Variants in APC2 observed in about 807,000 individuals in gnomAD.
APC2 encodes the protein APC regulator of Wnt signaling pathway 2.
A neutral mutation model predicts 72.5 loss-of-function variants in APC2; 41 were observed. The observed-to-expected ratio is 0.57, with a 90% CI of 0.44 to 0.73. The LOEUF (loss-of-function observed/expected upper bound fraction) is 0.73, where lower values mean the gene tolerates loss of function less well. APC2 is among the 30% of genes least tolerant of loss of function. The pLI, the probability that APC2 is intolerant of heterozygous loss-of-function variation, is 0.00. For missense variants in APC2, 3,729 were observed against 3,403.4 expected (o/e 1.10, Z -2.38); for synonymous variants, 1,898 against 1,612.0 (o/e 1.18, Z -4.25).
chr19:1,469,386 G>A lies in APC2; in HGVS notation c.6085G>A (p.Gly2029Ser). ...CCCCCAGGGCGCCTCGCCCCGCCGCGGCCGGCCCGCGCTGCCCGCCGTCTT... is the reference window on the plus strand; with the variant it reads ...CCCCCAGGGCGCCTCGCCCCGCCGCAGCCGGCCCGCGCTGCCCGCCGTCTT... Reference protein sequence around the residue: ...SAPQGASPRRGRPALPAVFLC... With the variant: ...SAPQGASPRRSRPALPAVFLC... Residue 2029 changes from glycine (G) to serine (S), a missense_variant, in exon 15 of 15, where the codon GGC (glycine) becomes AGC (serine). Transcript: ENST00000590469. 8.2e-7 allele frequency: 1 copy of A among 1,224,222 alleles called. No individual in the cohort carries two copies. The highest frequency in any genetic ancestry group is 1.0e-6 in the Non-Finnish European group (1 of 982,238). 75.8% of individuals were successfully genotyped at this position (1,224,222 alleles called of 1,614,324 possible).
chr19:1,455,615 T>G, intron 6 of APC2, 115 bp downstream of exon 6: 1 of 1,020,132 alleles, frequency 9.8e-7, no homozygotes, highest in African/African-American at 1.6e-5. Flanking sequence ...TTATGCCTCC[T>G]GGGTTGGGGG....
intron 14 of APC2, among the ~76,000 whole-genome samples, chr19:1,462,569 C>T (rs1287173594): frequency 1.4e-5 from 2 of 143,188 alleles, no homozygotes; most frequent in African/African-American, 5.4e-5. Context: ...GCAGAAGAAT[C>T]GTTTGAACCC....
At position 1,471,577 on chromosome 19, in the gene APC2, G is replaced by A. The variant is rs1047222621; in HGVS notation, c.*1364G>A. On this transcript the variant is annotated 3_prime_UTR_variant, in exon 15 of 15. Transcript: ENST00000590469. ...TGGGGCAACGCCTCGTCCTGCAGAG[G>A]GAGCCGACGACCTCTTTTCTGCAGA... is the stretch of plus-strand genomic sequence containing the variant. 3 of 152,234 alleles carry A rather than the reference G, an allele frequency of 2.0e-5. No homozygotes were observed. Among genetic ancestry groups the A allele is most frequent in the Admixed American group, 6.5e-5 (1 of 15,282 alleles). The allele number at this position is 152,234 out of a possible 1,614,324, so 9.4% of individuals were successfully genotyped here. A position where few individuals can be genotyped will look rare whatever the true frequency, so the allele number is the denominator to read the frequency against.
In APC2 at chr19:1,470,028, C is replaced by A. The variant is rs760146554; in HGVS notation, c.6727C>A (p.Pro2243Thr). The A allele has an allele frequency of 3.8e-6, 6 of 1,561,290 alleles. No individual in the cohort carries two copies. In the Admixed American group the frequency reaches 7.2e-5, roughly 19 times the overall value. ...PSLAKAPISA[P>T]FVHEGLGVAV... ...CCTCGCCAAGGCTCCCATCTCCGCA[C>A]CCTTCGTGCACGAGGGCCTGGGGGT... Residue 2243 changes from proline (P) to threonine (T), a missense_variant, in exon 15 of 15, where the codon CCC becomes ACC. Physicochemically the swap from Pro to Thr is conservative, Grantham distance 38. Transcript: ENST00000590469.
At chr19:1,454,159 A>G (rs2083782817) in intron 4 of APC2, among the ~76,000 whole-genome samples, 1 of 152,104 alleles carries the variant, frequency 6.6e-6, no homozygotes, top group Non-Finnish European at 1.5e-5. Flanking sequence ...AAACCCTCCC[A>G]GCCTAAGACT....
In APC2 at chr19:1,469,572, GC is replaced by G; in HGVS notation, c.6274del (p.Arg2092GlyfsTer243). 8.0e-7 allele frequency: 1 copy of G among 1,245,410 alleles called. No individual in the cohort carries two copies. Among genetic ancestry groups the G allele is most frequent in the Non-Finnish European group, 1.0e-6 (1 of 980,708 alleles). 77.1% of individuals were successfully genotyped at this position (1,245,410 alleles called of 1,614,324 possible). A position where few individuals can be genotyped will look rare whatever the true frequency, so the allele number is the denominator to read the frequency against. ...PSRLPVRAPAARPETVKRYAS... is the reference protein window; with the variant it reads ...PSRLPVRAPAXRPETVKRYAS... ...CCGCCTGCCTGTGCGCGCGCCCGCC[GC>G]CCGGCCGGAGACTGTCAAGCGCTAC... On this transcript the variant is annotated frameshift_variant, in exon 15 of 15. Coordinates refer to ENST00000590469, the MANE Select transcript of APC2 (RefSeq NM_005883.3). LOFTEE classifies it low-confidence loss of function (END_TRUNC).
chr19:1,450,078 G>T (rs2083724724), upstream of APC2: 1 of 947,464 alleles, frequency 1.1e-6, no homozygotes, highest in Non-Finnish European at 1.3e-6. Context: ...CGCCCTCATT[G>T]GCTGTCTCAC....
intron 1 of APC2, 82 bp downstream of exon 1, chr19:1,450,420 G>A (rs1430533512): frequency 9.6e-6 from 9 of 936,854 alleles, no homozygotes; most frequent in Non-Finnish European, 1.0e-5. Context: ...AGCATTGCCC[G>A]TCAGCACAGA....
In APC2 at chr19:1,455,159, C is replaced by A; in HGVS notation, c.424C>A (p.Leu142Met). 6.3e-7 allele frequency: 1 copy of A among 1,576,000 alleles called. No individual in the cohort carries two copies. The highest frequency in any genetic ancestry group is 8.6e-7 in the Non-Finnish European group (1 of 1,169,488). The change falls in exon 5 of 15, where the codon CTG becomes ATG. Residue 142 changes from leucine to methionine, a missense_variant. Transcript: ENST00000590469. ...TGACTTGCTCCCCAGGTGTTTCCTG[C>A]TGAATGAGATTGAGAAGGAGGAGAA... Reference protein sequence around the residue: ...EELDRERCFLLNEIEKEEKEK... With the variant: ...EELDRERCFLMNEIEKEEKEK...
At position 1,467,868 on chromosome 19, in the gene APC2, C is replaced by A. The variant is rs2084049295; in HGVS notation, c.4567C>A (p.Pro1523Thr). ...GGACGAGGAGCCCCCGGCGGCCGCG[C>A]CCACGCCAACCCACCGGCGCACATC... is the stretch of plus-strand genomic sequence containing the variant. The part of the protein sequence containing the change: ...DSDEEPPAAA[P>T]TPTHRRTSAI... Residue 1523 changes from proline to threonine, a missense_variant, in exon 15 of 15, where the codon CCC becomes ACC. By Grantham distance (38) the Pro-to-Thr change is conservative (BLOSUM62 -1). Coordinates refer to ENST00000590469, the MANE Select transcript of APC2 (RefSeq NM_005883.3). 2 of 1,563,130 alleles carry A rather than the reference C, an allele frequency of 1.3e-6. No homozygotes were observed. Among genetic ancestry groups the A allele is most frequent in the African/African-American group, 2.8e-5 (2 of 71,902 alleles).
rs1303699254 is a variant in APC2 at position 1,456,948 on chromosome 19, C to T, written c.912C>T (p.Ser304=). 3 of 1,551,922 alleles carry T rather than the reference C, an allele frequency of 1.9e-6. No individual in the cohort carries two copies. The highest frequency in any genetic ancestry group is 1.4e-5 in the African/African-American group (1 of 73,372). Residue 304 remains serine (S), a synonymous_variant, in exon 9 of 15, where the codon AGC becomes AGT. Transcript: ENST00000590469. ...TGGCCATGTCCAGCTCGCCCGAGAG[C>T]TGCGTGGCCATGCGCCGCTCGGGCT... The part of the protein sequence containing the change: ...TLLAMSSSPE[S]CVAMRRSGCL...
chr19:1,453,921 A>T (rs181950439), intron 4 of APC2, among the ~76,000 whole-genome samples: 11 of 152,212 alleles, frequency 7.2e-5, no homozygotes, highest in African/African-American at 2.4e-4. Flanking sequence ...GTCGCCAGGG[A>T]CCGGGCTGTG....
chr19:1,465,098 T>C (rs2083984934), intron 14 of APC2, 57 bp from the exon 15 acceptor site: 5 of 1,544,472 alleles, frequency 3.2e-6, no homozygotes, highest in Non-Finnish European at 4.4e-6. Context: ...CCCCCCATCC[T>C]TCGGTGGGCA....
chr19:1,462,626 G>T (rs1380643546), intron 14 of APC2, among the ~76,000 whole-genome samples: 3 of 130,088 alleles, frequency 2.3e-5, no homozygotes, highest in Non-Finnish European at 3.1e-5. Flanking sequence ...CTGCACTCCA[G>T]TCTGGGCAAC....
rs2084165493 is a variant in APC2, at chr19:1,473,198, A to G, written c.*2985A>G. The stretch of plus-strand genomic sequence containing the variant: ...TGTCCGGCGTAAGGACGACACCGTC[A>G]GCTGTCCGACTCGCACACATTTAAT... On this transcript the variant is annotated 3_prime_UTR_variant, in exon 15 of 15. Coordinates refer to ENST00000590469, the MANE Select transcript of APC2 (RefSeq NM_005883.3). 1 of 152,308 alleles carries G rather than the reference A, an allele frequency of 6.6e-6. No homozygotes were observed. The highest frequency in any genetic ancestry group is 1.5e-5 in the Non-Finnish European group (1 of 68,072). The allele number at this position is 152,308 out of a possible 1,614,324, so 9.4% of individuals were successfully genotyped here.
chr19:1,451,070 G>A (rs1392747447), intron 1 of APC2, among the ~76,000 whole-genome samples: 6 of 152,198 alleles, frequency 3.9e-5, no homozygotes, highest in African/African-American at 1.4e-4. Flanking sequence ...AGCTCCCTCT[G>A]GCTGTGCATG....
intron 10 of APC2, among the ~76,000 whole-genome samples, chr19:1,459,664 C>T (rs904726912): frequency 2.0e-5 from 3 of 152,194 alleles, no homozygotes; most frequent in Non-Finnish European, 4.4e-5. Context: ...ACAAGTCCTC[C>T]TCTCCCTCTG....
chr19:1,453,187 G>GC (rs765282564), intron 2 of APC2, 45 bp downstream of exon 2: 9 of 1,571,142 alleles, frequency 5.7e-6, no homozygotes, highest in African/African-American at 1.4e-5. Context: ...CCGGGGTGGT[G>GC]CCCCCCGGCA....
chr19:1,455,141 C>T lies in APC2; in HGVS notation c.414-8C>T. On this transcript the variant is annotated splice_region_variant and splice_polypyrimidine_tract_variant and intron_variant, in intron 4 of 14. Coordinates refer to ENST00000590469, the MANE Select transcript of APC2 (RefSeq NM_005883.3). Reference sequence around the variant, plus strand: ...CTCTGAGCCCGCCCCCGCTGACTTGCTCCCCAGGTGTTTCCTGCTGAATGA... The same window carrying T: ...CTCTGAGCCCGCCCCCGCTGACTTGTTCCCCAGGTGTTTCCTGCTGAATGA... 6.4e-7 allele frequency: 1 copy of T among 1,560,420 alleles called. No individual in the cohort carries two copies. The highest frequency in any genetic ancestry group is 8.6e-7 in the Non-Finnish European group (1 of 1,161,864).
Sources: gnomAD v4.1 joint callset for allele counts (sites outside exome capture counted in the v4.1 genomes callset) on GRCh38, gnomAD v4.1.1 for gene constraint, MANE v1.5 for transcripts, NCBI Gene and HGNC (gene_info 2026-07-23, HGNC 2026-07-21) for gene names.